The following SLC25A28 variants were observed in gnomAD, a reference collection of about 807,000 sequenced individuals.
SLC25A28 encodes the protein solute carrier family 25 member 28, also known as mitoferrin-2.
Under a neutral mutation model 31.9 loss-of-function variants are expected in SLC25A28, and 10 were observed. The ratio of observed to expected loss-of-function variants is 0.31; its 90% CI spans 0.19 to 0.53. SLC25A28 has a LOEUF of 0.53. Ranked by LOEUF, SLC25A28 falls within the 20% of genes least tolerant of loss-of-function variation. The pLI is 0.95. For missense variants in SLC25A28, 256 were observed against 490.3 expected (o/e 0.52, Z 4.51); for synonymous variants, 208 against 203.6 (o/e 1.02, Z -0.19).
intron 1 of SLC25A28, chr10:99,617,455 C>A (rs2034684873): frequency 2.0e-6 from 2 of 985,418 alleles, no homozygotes; most frequent in Non-Finnish European, 2.4e-6. Context: ...CCTTTAGGCT[C>A]CAACAACATG....
upstream of SLC25A28, among the ~76,000 whole-genome samples, chr10:99,625,590 T>C (rs1019176941): frequency 3.3e-5 from 5 of 152,202 alleles, no homozygotes; most frequent in Non-Finnish European, 7.3e-5. Flanking sequence ...CTCATTTTTT[T>C]TCTTTAGTAA....
At chr10:99,657,242 T>C in the SLC25A28 span, among the ~76,000 whole-genome samples, 13 of 152,164 alleles carry the variant, frequency 8.5e-5, no homozygotes, top group African/African-American at 3.1e-4. Flanking sequence ...GTTTGAAATA[T>C]ATATGTATAG....
the SLC25A28 span, among the ~76,000 whole-genome samples, chr10:99,643,333 G>T: frequency 6.6e-6 from 1 of 152,198 alleles, no homozygotes; most frequent in African/African-American, 2.4e-5. Flanking sequence ...ATTTCTTCTA[G>T]ATTTTCTAGT....
the SLC25A28 span, among the ~76,000 whole-genome samples, chr10:99,638,433 A>T: frequency 1.3e-5 from 2 of 152,152 alleles, no homozygotes; most frequent in African/African-American, 2.4e-5. Context: ...AACAAAGATA[A>T]TTACCTGAGA....
At chr10:99,641,176 C>T in the SLC25A28 span, among the ~76,000 whole-genome samples, 18 of 152,168 alleles carry the variant, frequency 1.2e-4, no homozygotes, top group Admixed American at 8.5e-4. Context: ...GTTTACAGTC[C>T]CACCAACAGT....
the SLC25A28 span, among the ~76,000 whole-genome samples, chr10:99,631,932 C>G: frequency 7.7e-4 from 99 of 128,718 alleles, no homozygotes; most frequent in African/African-American, 2.8e-3. Context: ...CTCTGTCGCC[C>G]AGGCCGGACT....
At chr10:99,645,772 T>C in the SLC25A28 span, among the ~76,000 whole-genome samples, 13 of 152,356 alleles carry the variant, frequency 8.5e-5, no homozygotes, top group South Asian at 2.5e-3. Flanking sequence ...TTAGTTTTCC[T>C]TCTAACAGTC....
chr10:99,633,253 T>C, the SLC25A28 span, among the ~76,000 whole-genome samples: 2 of 152,342 alleles, frequency 1.3e-5, no homozygotes, highest in African/African-American at 4.8e-5. Flanking sequence ...TACATTTTTA[T>C]TACAGGCACA....
At chr10:99,621,016 C>T (rs568894801), upstream of SLC25A28, 417 of 978,616 alleles carry the variant, frequency 4.3e-4, no homozygotes, top group Admixed American at 4.9e-4. Context: ...CCCCGGAGAG[C>T]CGTGTTCCCG....
At chr10:99,640,674 T>C in the SLC25A28 span, among the ~76,000 whole-genome samples, 1 of 152,138 alleles carries the variant, frequency 6.6e-6, no homozygotes, top group Non-Finnish European at 1.5e-5. Flanking sequence ...CATTAACTTG[T>C]CATTTACATT....
the SLC25A28 span, among the ~76,000 whole-genome samples, chr10:99,643,860 A>T: frequency 7.9e-5 from 12 of 152,152 alleles, no homozygotes; most frequent in African/African-American, 2.9e-4. Flanking sequence ...TTCAGTTTCC[A>T]TGTAGTTGAG....
At chr10:99,658,120 G>A in the SLC25A28 span, among the ~76,000 whole-genome samples, 30 of 152,248 alleles carry the variant, frequency 2.0e-4, no homozygotes, top group Admixed American at 9.8e-4. Context: ...TCAGGAGGTC[G>A]AGGCTGCAGT....
the SLC25A28 span, among the ~76,000 whole-genome samples, chr10:99,633,765 C>T: frequency 3.3e-5 from 5 of 151,980 alleles, no homozygotes; most frequent in African/African-American, 1.2e-4. Flanking sequence ...TTCTAGGGCA[C>T]CACTCGCCGC....
the SLC25A28 span, among the ~76,000 whole-genome samples, chr10:99,658,868 G>A: frequency 6.6e-6 from 1 of 152,182 alleles, no homozygotes; most frequent in East Asian, 1.9e-4. Context: ...TAAGGTCAAG[G>A]AGGGCGGCGA....
At chr10:99,615,485 T>A in intron 1 of SLC25A28, 1 of 984,492 alleles carries the variant, frequency 1.0e-6, no homozygotes, top group African/African-American at 1.8e-5. Context: ...CTGCAAGCAA[T>A]CCACATTCCT....
chr10:99,639,410 C>T, the SLC25A28 span, among the ~76,000 whole-genome samples: 2 of 151,804 alleles, frequency 1.3e-5, no homozygotes, highest in Non-Finnish European at 2.9e-5. Flanking sequence ...GATGGGTGCA[C>T]CAAAATCTCA....
the SLC25A28 span, among the ~76,000 whole-genome samples, chr10:99,647,475 T>C: frequency 6.6e-6 from 1 of 152,256 alleles, no homozygotes; most frequent in Admixed American, 6.5e-5. Flanking sequence ...GAAAAATGTC[T>C]GTTCATGTCC....
chr10:99,652,882 CTA>C, the SLC25A28 span, among the ~76,000 whole-genome samples: 1 of 152,172 alleles, frequency 6.6e-6, no homozygotes, highest in Non-Finnish European at 1.5e-5. Context: ...CCCTGCTCTG[CTA>C]TGTCTTCATT....
upstream of SLC25A28, chr10:99,621,790 T>C (rs1267201222): frequency 6.6e-6 from 1 of 152,288 alleles, no homozygotes; most frequent in Non-Finnish European, 1.5e-5. Context: ...TTTCCTTTTT[T>C]CTTTCTAAAG....
Sources: allele counts gnomAD v4.1 joint callset (sites outside exome capture counted in the v4.1 genomes callset), GRCh38; gene constraint gnomAD v4.1.1; transcripts MANE v1.5; gene names NCBI Gene and HGNC (gene_info 2026-07-23, HGNC 2026-07-21).